Variants in FBXO11 observed in about 807,000 individuals in gnomAD.
FBXO11 encodes F-box protein 11.
A neutral mutation model predicts 117.0 loss-of-function variants in FBXO11; 13 were observed. The observed-to-expected ratio is 0.11, with a 90% CI of 0.07 to 0.18. The LOEUF (loss-of-function observed/expected upper bound fraction) is 0.18. FBXO11 is among the 10% of genes least tolerant of loss of function. FBXO11 has a pLI of 1.00. For synonymous variants in FBXO11, 490 were observed against 380.5 expected, an observed-to-expected ratio of 1.29 and a Z score of -3.35; for missense variants, 767 against 1,164.4, an observed-to-expected ratio of 0.66 and a Z score of 4.97.
At chr2:47,819,873 C>T (rs1671257840) in intron 14 of FBXO11, among the ~76,000 whole-genome samples, 2 of 152,272 alleles carry the variant, frequency 1.3e-5, no homozygotes, top group South Asian at 4.1e-4. Context: ...CCTACATTTT[C>T]TTACTTGAAT....
At chr2:47,860,768 A>C (rs1393408987) in intron 1 of FBXO11, among the ~76,000 whole-genome samples, 1 of 151,812 alleles carries the variant, frequency 6.6e-6, no homozygotes, top group African/African-American at 2.4e-5. Flanking sequence ...GAGAGAAAGA[A>C]AGTCAAACCA....
At chr2:47,893,945 A>G (rs901075204) in intron 1 of FBXO11, among the ~76,000 whole-genome samples, 2 of 152,226 alleles carry the variant, frequency 1.3e-5, no homozygotes, top group African/African-American at 2.4e-5. Context: ...CTTTTTGCGG[A>G]TAAGAAAGAT....
At chr2:47,870,876 T>C (rs906548767) in intron 1 of FBXO11, among the ~76,000 whole-genome samples, 5 of 152,216 alleles carry the variant, frequency 3.3e-5, no homozygotes, top group Non-Finnish European at 5.9e-5. Context: ...TACATATCCC[T>C]TTATGAAACT....
At chr2:47,866,245 C>CAAAA (rs57654823) in intron 1 of FBXO11, among the ~76,000 whole-genome samples, 1 of 58,448 alleles carries the variant, frequency 1.7e-5, no homozygotes, top group Non-Finnish European at 3.6e-5. Flanking sequence ...CCTTCTGCTT[C>CAAAA]AAAAAAAAAA....
intron 1 of FBXO11, among the ~76,000 whole-genome samples, chr2:47,878,214 C>A (rs1259720013): frequency 6.6e-6 from 1 of 152,168 alleles, no homozygotes; most frequent in Non-Finnish European, 1.5e-5. Flanking sequence ...CTGTTCATCT[C>A]CCTGCTCCAA....
At position 47,890,143 on chromosome 2, in the gene FBXO11, T is replaced by C. The variant is rs1400673994; in HGVS notation, c.232+15346A>G. Reference sequence around the variant, plus strand: ...TTTTTATTATTTATTTATTTATTTATTTATTTCAGAGACAGGGTCTCAGTA... The same window carrying C: ...TTTTTATTATTTATTTATTTATTTACTTATTTCAGAGACAGGGTCTCAGTA... On this transcript the variant is annotated intron_variant, in intron 1 of 22. Coordinates refer to ENST00000403359, the MANE Select transcript of FBXO11 (RefSeq NM_001190274.2). 4.6e-5 allele frequency among the ~76,000 whole-genome samples: 7 copies of C among 151,956 alleles called. No homozygotes were observed. In the East Asian group the frequency reaches 1.3e-3, roughly 29 times the overall value.
At chr2:47,873,897 G>A (rs1401315337) in intron 1 of FBXO11, among the ~76,000 whole-genome samples, 1 of 152,098 alleles carries the variant, frequency 6.6e-6, no homozygotes, top group African/African-American at 2.4e-5. Context: ...ACTATTGTAA[G>A]GGCAGCTGGC....
At chr2:47,901,864 A>T (rs1678326050) in intron 1 of FBXO11, among the ~76,000 whole-genome samples, 1 of 152,228 alleles carries the variant, frequency 6.6e-6, no homozygotes, top group African/African-American at 2.4e-5. Flanking sequence ...CAAAACAAAT[A>T]TCAAAAATCC....
rs773388275 is a variant in FBXO11 at position 47,832,461 on chromosome 2, G to C, written c.1286C>G (p.Ser429Cys). ...CCAAATCCCAGCTAACGCATTATTG[G>C]AAATTTCATTATCCTCATATATTCC... ...AQGIYEDNEI[S>C]NNALAGIWVK... The change falls in exon 11 of 23, where the codon TCC becomes TGC. Residue 429 changes from serine (S) to cysteine (C), a missense_variant. Physicochemically the swap from Ser to Cys is moderately radical, Grantham distance 112. Coordinates refer to ENST00000403359, the MANE Select transcript of FBXO11 (RefSeq NM_001190274.2). 6.2e-7 allele frequency: 1 copy of C among 1,613,514 alleles called. No individual in the cohort carries two copies. The highest frequency in any genetic ancestry group is 8.5e-7 in the Non-Finnish European group (1 of 1,179,768).
intron 14 of FBXO11, 50 bp downstream of exon 14, chr2:47,820,312 C>A (rs777811159): frequency 7.0e-7 from 1 of 1,432,404 alleles, no homozygotes; most frequent in Non-Finnish European, 9.7e-7. Context: ...ACCCTTTATC[C>A]CCCTGGTTTT....
rs181278263 is a variant in FBXO11 at position 47,839,872 on chromosome 2, G to T, written c.233-103C>A. 24 of 995,444 alleles carry T rather than the reference G, an allele frequency of 2.4e-5. 1 individual carries two copies. Among genetic ancestry groups the T allele is most frequent in the African/African-American group, 1.2e-4 (7 of 60,548 alleles). 61.7% of individuals were successfully genotyped at this position (995,444 alleles called of 1,614,324 possible). On this transcript the variant is annotated intron_variant, in intron 1 of 22. Transcript: ENST00000403359. ...ACTTCAAATTCGGGAGGGAGCAGAT[G>T]TAAGTTTTATATGAAATTCCAACCA...
At chr2:47,886,040 T>C (rs1157059043) in intron 1 of FBXO11, among the ~76,000 whole-genome samples, 2 of 137,718 alleles carry the variant, frequency 1.5e-5, no homozygotes, top group African/African-American at 2.5e-5. Context: ...TTATAAATTA[T>C]GCAACCTTCT....
rs772265934 is a variant in FBXO11 at position 47,818,799 on chromosome 2, C to A, written c.1986G>T (p.Met662Ile). The A allele has an allele frequency of 1.3e-6, 2 of 1,588,392 alleles. No individual in the cohort carries two copies. The highest frequency in any genetic ancestry group is 1.7e-6 in the Non-Finnish European group (2 of 1,173,152). Residue 662 changes from methionine (M) to isoleucine (I), a missense_variant, in exon 16 of 23, where the codon ATG becomes ATT. Physicochemically the swap from Met to Ile is conservative, Grantham distance 10 (BLOSUM62 1). This residue lies in a region of FBXO11 where 42 missense variants were observed against 216.8 expected (regional missense o/e 0.19). Transcript: ENST00000403359. ...TTTACCTTATCTGAACCCCTGAATACATATGATTATAGATATCATTGTCTT... is the reference window on the plus strand; with the variant it reads ...TTTACCTTATCTGAACCCCTGAATAAATATGATTATAGATATCATTGTCTT... ...VLEDNDIYNH[M>I]YSGVQIRTGS...
chr2:47,827,019 C>T (rs1046491081), intron 11 of FBXO11, among the ~76,000 whole-genome samples: 6 of 152,316 alleles, frequency 3.9e-5, no homozygotes, highest in South Asian at 2.1e-4. Context: ...AGTCATTTAC[C>T]ACATTGTATT....
At chr2:47,829,499 C>G (rs546100157) in intron 11 of FBXO11, among the ~76,000 whole-genome samples, 3 of 152,158 alleles carry the variant, frequency 2.0e-5, no homozygotes, top group Non-Finnish European at 4.4e-5. Context: ...CTCGGCCTCC[C>G]AAAGTGCTAG....
intron 16 of FBXO11, among the ~76,000 whole-genome samples, chr2:47,816,036 C>T (rs1480143324): frequency 1.3e-5 from 2 of 152,222 alleles, no homozygotes; most frequent in Non-Finnish European, 1.5e-5. Flanking sequence ...CATCCCCCTG[C>T]TGTCTAGATC....
chr2:47,905,258 A>C, intron 1 of FBXO11: 2 of 279,150 alleles, frequency 7.2e-6, no homozygotes, highest in Admixed American at 5.4e-5. Context: ...AAACCAAACA[A>C]AGCGCGGCCT....
At chr2:47,869,450 C>T (rs908403800) in intron 1 of FBXO11, among the ~76,000 whole-genome samples, 4 of 152,192 alleles carry the variant, frequency 2.6e-5, no homozygotes, top group Non-Finnish European at 5.9e-5. Context: ...AAAGTTATAT[C>T]TGAAATACAG....
Position 47,815,754 on chromosome 2 carries a change from G to A in FBXO11, c.2007-1887C>T, listed in dbSNP as rs183617364. Among the ~76,000 whole-genome samples, 76 of 152,340 alleles carry A rather than the reference G, an allele frequency of 5.0e-4. 1 individual carries two copies. Among genetic ancestry groups the A allele is most frequent in the Non-Finnish European group, 1.0e-3 (69 of 68,028 alleles). On this transcript the variant is annotated intron_variant, in intron 16 of 22. Coordinates refer to ENST00000403359, the MANE Select transcript of FBXO11 (RefSeq NM_001190274.2). The stretch of plus-strand genomic sequence containing the variant: ...AGCTGAGGGCGTAAGAATCCCAGAT[G>A]TAAGGTTAGCGAGAGTTAGAAGTTC...
Sources: gnomAD v4.1 joint callset for allele counts (sites outside exome capture counted in the v4.1 genomes callset) on GRCh38, gnomAD v4.1.1 for gene constraint, gnomAD v4.1.1 regional missense constraint, MANE v1.5 for transcripts, NCBI Gene and HGNC (gene_info 2026-07-23, HGNC 2026-07-21) for gene names.